Variants in C6 observed in about 807,000 individuals in gnomAD.
C6 encodes complement component C6.
Under a neutral mutation model 112.9 loss-of-function variants are expected in C6, and 101 were observed. The observed-to-expected ratio is 0.89, with a 90% CI of 0.76 to 1.06. C6 has a LOEUF of 1.06. C6 is among the 50% of genes least tolerant of loss of function. The pLI, the probability that C6 is intolerant of heterozygous loss-of-function variation, is 0.00. For missense variants in C6, 1,202 were observed against 1,104.6 expected, an observed-to-expected ratio of 1.09 and a Z score of -1.25; for synonymous variants, 431 against 384.1, an observed-to-expected ratio of 1.12 and a Z score of -1.43.
intron 1 of C6, among the ~76,000 whole-genome samples, chr5:41,252,308 GC>G (rs1425158396): frequency 6.6e-6 from 1 of 152,118 alleles, no homozygotes; most frequent in East Asian, 1.9e-4. Flanking sequence ...TGCATGGATG[GC>G]CCCCCTCCTT....
intron 1 of C6, chr5:41,213,019 C>T (rs1006362526): frequency 6.6e-6 from 1 of 152,060 alleles, no homozygotes; most frequent in African/African-American, 2.4e-5. Flanking sequence ...TTTTTCTGTG[C>T]ATGCCCAGAG....
intron 1 of C6, among the ~76,000 whole-genome samples, chr5:41,255,638 G>A (rs1286105034): frequency 6.6e-6 from 1 of 152,066 alleles, no homozygotes; most frequent in African/African-American, 2.4e-5. Flanking sequence ...TCTTATACCT[G>A]CCCTGATTGG....
intron 17 of C6, among the ~76,000 whole-genome samples, chr5:41,149,027 A>C (rs1378500110): frequency 6.6e-6 from 1 of 152,196 alleles, no homozygotes; most frequent in Non-Finnish European, 1.5e-5. Context: ...CATAGAGAAA[A>C]GATTGGCAAG....
At chr5:41,194,907 C>A (rs750758782) in intron 5 of C6, among the ~76,000 whole-genome samples, 1 of 152,268 alleles carries the variant, frequency 6.6e-6, no homozygotes, top group Non-Finnish European at 1.5e-5. Flanking sequence ...TATGTGATCT[C>A]CTGAGGTTTC....
intron 1 of C6, among the ~76,000 whole-genome samples, chr5:41,224,296 A>G (rs985120139): frequency 5.3e-5 from 8 of 152,166 alleles, no homozygotes; most frequent in African/African-American, 1.7e-4. Flanking sequence ...ACAATTTAAT[A>G]GTCTTCAATA....
At position 41,213,453 on chromosome 5, in the gene C6, G is replaced by A; in HGVS notation, c.-98C>T. 1.0e-6 allele frequency: 1 copy of A among 985,198 alleles called. No individual in the cohort carries two copies. The highest frequency in any genetic ancestry group is 1.2e-6 in the Non-Finnish European group (1 of 829,838). 61.0% of individuals were successfully genotyped at this position (985,198 alleles called of 1,614,324 possible). On this transcript the variant is annotated 5_prime_UTR_variant, in exon 1 of 18. Transcript: ENST00000337836. ...AAAAATAGGTATGCAGAATGAAGAG[G>A]GTATATATGTTAATCCAAACAAAGC...
rs776929039 is a variant in C6, at chr5:41,142,346, CTTTGGTCAGTACTTGACATCCTG to C, written c.*456_*478del. 9.9e-5 allele frequency: 16 copies of C among 162,258 alleles called. No individual in the cohort carries two copies. Among genetic ancestry groups the C allele is most frequent in the South Asian group, 8.2e-4 (5 of 6,126 alleles). 10.1% of individuals were successfully genotyped at this position (162,258 alleles called of 1,614,324 possible). On this transcript the variant is annotated 3_prime_UTR_variant, in exon 18 of 18. Coordinates refer to ENST00000337836, the MANE Select transcript of C6 (RefSeq NM_000065.5). ...TTTATTATCTGCCGAGTTCTCAGGA[CTTTGGTCAGTACTTGACATCCTG>C]TATACACACTCAGAAATTATTTGTT...
At chr5:41,151,119 G>A (rs1034962886) in intron 15 of C6, among the ~76,000 whole-genome samples, 9 of 151,980 alleles carry the variant, frequency 5.9e-5, no homozygotes, top group South Asian at 2.1e-4. Flanking sequence ...ATCAGCCCTC[G>A]ATTTTGAAAA....
At chr5:41,186,759 A>T (rs1749800508) in intron 5 of C6, among the ~76,000 whole-genome samples, 2 of 152,082 alleles carry the variant, frequency 1.3e-5, no homozygotes, top group Admixed American at 1.3e-4. Context: ...TACAAATATT[A>T]ACTTGGTTAA....
At chr5:41,168,990 G>C (rs879456055) in intron 9 of C6, among the ~76,000 whole-genome samples, 1 of 152,040 alleles carries the variant, frequency 6.6e-6, no homozygotes, top group Non-Finnish European at 1.5e-5. Flanking sequence ...AACAGGCAAG[G>C]GTTCCCTAAA....
At chr5:41,208,946 G>A (rs2150384671) in intron 1 of C6, among the ~76,000 whole-genome samples, 1 of 152,240 alleles carries the variant, frequency 6.6e-6, no homozygotes, top group Non-Finnish European at 1.5e-5. Context: ...CAATATCCCT[G>A]ATGAACATCG....
At chr5:41,174,400 A>C (rs980603584) in intron 8 of C6, among the ~76,000 whole-genome samples, 3 of 152,206 alleles carry the variant, frequency 2.0e-5, no homozygotes, top group African/African-American at 7.2e-5. Flanking sequence ...AAAAGACAGG[A>C]GTGTTAGTTG....
intron 1 of C6, among the ~76,000 whole-genome samples, chr5:41,231,586 G>C (rs979942696): frequency 6.6e-6 from 1 of 151,860 alleles, no homozygotes; most frequent in African/African-American, 2.4e-5. Flanking sequence ...GTTTTTAATA[G>C]GTTATAGTTT....
At chr5:41,230,883 T>C (rs1739856721) in intron 1 of C6, among the ~76,000 whole-genome samples, 1 of 152,168 alleles carries the variant, frequency 6.6e-6, no homozygotes, top group South Asian at 2.1e-4. Flanking sequence ...GAACCTACAT[T>C]GAAATATTGG....
intron 5 of C6, among the ~76,000 whole-genome samples, chr5:41,192,390 T>C (rs1196276333): frequency 6.6e-6 from 1 of 152,190 alleles, no homozygotes; most frequent in Non-Finnish European, 1.5e-5. Flanking sequence ...AGTGTTATAC[T>C]AGTCTTGTAG....
chr5:41,182,521 C>T (rs1443300102), intron 6 of C6, among the ~76,000 whole-genome samples: 1 of 152,192 alleles, frequency 6.6e-6, no homozygotes, highest in Admixed American at 6.5e-5. Context: ...GCCCAGTTGC[C>T]TTCTCTTCCT....
At chr5:41,252,302 T>G (rs1267397044) in intron 1 of C6, among the ~76,000 whole-genome samples, 1 of 152,200 alleles carries the variant, frequency 6.6e-6, no homozygotes, top group African/African-American at 2.4e-5. Flanking sequence ...CCAGTCTGCA[T>G]GGATGGCCCC....
intron 5 of C6, 185 bp from the exon 6 acceptor site, chr5:41,186,393 C>G (rs1013045997): frequency 1.6e-6 from 1 of 624,996 alleles, no homozygotes; most frequent in African/African-American, 1.8e-5. Flanking sequence ...AGCTGGAAAG[C>G]CCAAACTCAG....
At chr5:41,209,471 C>A (rs1434814125) in intron 1 of C6, among the ~76,000 whole-genome samples, 1 of 152,178 alleles carries the variant, frequency 6.6e-6, no homozygotes, top group Non-Finnish European at 1.5e-5. Context: ...TTTAGAAAAT[C>A]TCATCATCTC....
Sources: gnomAD v4.1 joint callset for allele counts (sites outside exome capture counted in the v4.1 genomes callset) on GRCh38, gnomAD v4.1.1 for gene constraint, MANE v1.5 for transcripts, NCBI Gene and HGNC (gene_info 2026-07-23, HGNC 2026-07-21) for gene names.